Variants in PCDHGA8 observed in about 807,000 individuals in gnomAD.
PCDHGA8 encodes protocadherin gamma-A8.
Under a neutral mutation model 59.2 loss-of-function variants are expected in PCDHGA8, and 45 were observed. The observed-to-expected ratio is 0.76, with a 90% CI of 0.60 to 0.98. The LOEUF (loss-of-function observed/expected upper bound fraction) is 0.98. Ranked by LOEUF, PCDHGA8 falls within the 50% of genes least tolerant of loss-of-function variation. The pLI is 0.00. For missense variants in PCDHGA8, 1,257 were observed against 1,196.2 expected (o/e 1.05, Z -0.75); for synonymous variants, 531 against 519.0 (o/e 1.02, Z -0.32).
chr5:141,478,819 C>T, intron 1 of PCDHGA8: 8 of 1,447,842 alleles, frequency 5.5e-6, no homozygotes, highest in South Asian at 3.0e-5. Flanking sequence ...CACAACTAAC[C>T]AATCTTGCTA....
intron 1 of PCDHGA8, among the ~76,000 whole-genome samples, chr5:141,444,242 G>A (rs964582042): frequency 7.5e-6 from 1 of 133,896 alleles, no homozygotes; most frequent in Non-Finnish European, 1.5e-5. Flanking sequence ...CATGCTCTCG[G>A]CTCACTGCAA....
Position 141,432,057 on chromosome 5 carries a change from C to G in PCDHGA8, c.2424+36820C>G. On this transcript the variant is annotated intron_variant, in intron 1 of 3. Coordinates refer to ENST00000398604, the MANE Select transcript of PCDHGA8 (RefSeq NM_032088.2). This position sits in a 1 kb window ranked among gnomAD's most constrained non-coding sequence, Gnocchi z 6.0. The stretch of plus-strand genomic sequence containing the variant: ...ACTGACCGGGGAACCCCGCCCCTAT[C>G]CACGGAAACTCATATCTCGCTGAAC... 1 of 1,614,220 alleles carries G rather than the reference C, an allele frequency of 6.2e-7. No homozygotes were observed. The highest frequency in any genetic ancestry group is 8.5e-7 in the Non-Finnish European group (1 of 1,180,042).
At chr5:141,408,051 C>A in intron 1 of PCDHGA8, 3 of 1,264,368 alleles carry the variant, frequency 2.4e-6, no homozygotes, top group Non-Finnish European at 3.2e-6. Context: ...CCACACAGAG[C>A]CTCCCGGCTG....
rs1266380650 is a variant in PCDHGA8, at chr5:141,393,805, C to T, written c.992C>T (p.Thr331Ile). 3 of 1,613,914 alleles carry T rather than the reference C, an allele frequency of 1.9e-6. No homozygotes were observed. Among genetic ancestry groups the T allele is most frequent in the South Asian group, 1.1e-5 (1 of 91,082 alleles). The stretch of plus-strand genomic sequence containing the variant: ...GATGTGGGGGCACTTCTGGGGAGGA[C>T]CAAATTGCTCATTTCGGTGGAAGAT... ...AEDVGALLGR[T>I]KLLISVEDVN... Residue 331 changes from threonine to isoleucine, a missense_variant, in exon 1 of 4, where the codon ACC (threonine) becomes ATC (isoleucine). Transcript: ENST00000398604.
rs768847018 is a variant in PCDHGA8 at position 141,431,426 on chromosome 5, A to C, written c.2424+36189A>C. On this transcript the variant is annotated intron_variant, in intron 1 of 3. Transcript: ENST00000398604. The surrounding 1 kb of genome is among the most constrained non-coding windows in gnomAD (Gnocchi z 4.8). ...CTCCGACGGGGGCGACCCGGTGCGCACAGGCACCGCGCGCATCCGCGTGAT... is the reference window on the plus strand; with the variant it reads ...CTCCGACGGGGGCGACCCGGTGCGCCCAGGCACCGCGCGCATCCGCGTGAT... 6.2e-7 allele frequency: 1 copy of C among 1,613,666 alleles called. No individual in the cohort carries two copies. The highest frequency in any genetic ancestry group is 1.1e-5 in the South Asian group (1 of 91,078).
At chr5:141,496,617 A>G (rs2099769939) in intron 2 of PCDHGA8, among the ~76,000 whole-genome samples, 2 of 152,236 alleles carry the variant, frequency 1.3e-5, no homozygotes, top group Admixed American at 1.3e-4. Flanking sequence ...AAAAAGCAGC[A>G]GATCAAAAGG....
Position 141,476,477 on chromosome 5 carries a change from G to C in PCDHGA8, c.2425-18330G>C. ...GGAGAACCCGCTGGAGCTGTTCAGCGTGGAAGTGGTGATCCAGGACATCAA... is the reference window on the plus strand; with the variant it reads ...GGAGAACCCGCTGGAGCTGTTCAGCCTGGAAGTGGTGATCCAGGACATCAA... On this transcript the variant is annotated intron_variant, in intron 1 of 3. Coordinates refer to ENST00000398604, the MANE Select transcript of PCDHGA8 (RefSeq NM_032088.2). The surrounding 1 kb of genome is among the most constrained non-coding windows in gnomAD (Gnocchi z 7.6). The C allele has an allele frequency of 5.0e-6, 8 of 1,614,078 alleles. No homozygotes were observed. Among genetic ancestry groups the C allele is most frequent in the Non-Finnish European group, 6.8e-6 (8 of 1,180,018 alleles).
intron 1 of PCDHGA8, chr5:141,427,312 C>T (rs1438759401): frequency 4.4e-6 from 2 of 456,954 alleles, no homozygotes; most frequent in East Asian, 6.9e-5. Context: ...GACAATGCCC[C>T]AGACGTGGTT....
chr5:141,420,188 A>G (rs775537913), intron 1 of PCDHGA8: 1 of 1,613,848 alleles, frequency 6.2e-7, no homozygotes, highest in South Asian at 1.1e-5. Context: ...TTGTCCAGCC[A>G]CACAAGATAA....
chr5:141,426,614 G>T (rs1468159807), intron 1 of PCDHGA8: 25 of 385,508 alleles, frequency 6.5e-5, no homozygotes, highest in Non-Finnish European at 1.3e-4. Context: ...TTGTAGCAGA[G>T]AATCCTCTAA....
At chr5:141,403,276 C>A in intron 1 of PCDHGA8, 2 of 1,613,844 alleles carry the variant, frequency 1.2e-6, no homozygotes, top group South Asian at 2.2e-5. Flanking sequence ...ACTTTAAAGT[C>A]CTGGTTGAAG....
intron 1 of PCDHGA8, chr5:141,413,903 C>T (rs1038159413): frequency 2.5e-6 from 4 of 1,613,308 alleles, no homozygotes; most frequent in Non-Finnish European, 3.4e-6. Flanking sequence ...AATGACAACG[C>T]GCCGGTCTTC....
At chr5:141,460,951 G>GTATATATATA (rs200454978) in intron 1 of PCDHGA8, among the ~76,000 whole-genome samples, 1 of 139,722 alleles carries the variant, frequency 7.2e-6, no homozygotes, top group African/African-American at 2.8e-5. Context: ...TATGTATTAT[G>GTATATATATA]TATATATATA....
At chr5:141,415,469 C>G (rs1247738517) in intron 1 of PCDHGA8, 1 of 1,614,090 alleles carries the variant, frequency 6.2e-7, no homozygotes, top group Non-Finnish European at 8.5e-7. Context: ...TCTCTCACCG[C>G]GGACTCGCGA....
chr5:141,463,500 G>A (rs866521006), intron 1 of PCDHGA8, among the ~76,000 whole-genome samples: 30 of 139,838 alleles, frequency 2.1e-4, no homozygotes, highest in African/African-American at 7.0e-4. Context: ...CCAGGCTGGA[G>A]TGACGTGGCG....
In PCDHGA8 at chr5:141,395,107, A is replaced by G. The variant is rs2093174446; in HGVS notation, c.2294A>G (p.Lys765Arg). 1 of 1,614,212 alleles carries G rather than the reference A, an allele frequency of 6.2e-7. No homozygotes were observed. Among genetic ancestry groups the G allele is most frequent in the African/African-American group, 1.3e-5 (1 of 75,058 alleles). ...GTCTCCCTCACCGCCGACTCGCGGAAGAGTCACCTGATCTTTCCCCAGCCC... is the reference window on the plus strand; with the variant it reads ...GTCTCCCTCACCGCCGACTCGCGGAGGAGTCACCTGATCTTTCCCCAGCCC... Reference protein sequence around the residue: ...QEVSLTADSRKSHLIFPQPNY... With the variant: ...QEVSLTADSRRSHLIFPQPNY... Residue 765 changes from lysine (K) to arginine (R), a missense_variant, in exon 1 of 4, where the codon AAG (lysine) becomes AGG (arginine). Physicochemically the swap from Lys to Arg is conservative, Grantham distance 26. Transcript: ENST00000398604.
Position 141,393,360 on chromosome 5 carries a change from C to T in PCDHGA8, c.547C>T (p.Gln183Ter). 1 of 1,613,968 alleles carries T rather than the reference C, an allele frequency of 6.2e-7. No individual in the cohort carries two copies. Among genetic ancestry groups the T allele is most frequent in the Non-Finnish European group, 8.5e-7 (1 of 1,179,872 alleles). The part of the protein sequence containing the change: ...SPNHHFSLDV[Q>*]TGDNGAINPE... ...CAATCACCACTTCTCCCTGGACGTG[C>T]AGACTGGAGACAATGGAGCCATAAA... Residue 183 changes from glutamine to a stop codon, truncating the protein, a stop_gained, in exon 1 of 4, where the codon CAG (glutamine) becomes TAG (stop). Coordinates refer to ENST00000398604, the MANE Select transcript of PCDHGA8 (RefSeq NM_032088.2). LOFTEE classifies it high-confidence loss of function.
intron 2 of PCDHGA8, among the ~76,000 whole-genome samples, chr5:141,500,469 A>G (rs917974103): frequency 1.3e-5 from 2 of 152,052 alleles, no homozygotes; most frequent in East Asian, 1.9e-4. Context: ...TCGGCCTCCC[A>G]AAGTGCTGGG....
chr5:141,436,120 TC>T (rs2154556955), intron 1 of PCDHGA8, among the ~76,000 whole-genome samples: 1 of 152,344 alleles, frequency 6.6e-6, no homozygotes, highest in South Asian at 2.1e-4. Context: ...GAAACCTCTC[TC>T]CTCCATCATC....
Sources: allele counts gnomAD v4.1 joint callset (sites outside exome capture counted in the v4.1 genomes callset), GRCh38; gene constraint gnomAD v4.1.1; non-coding constraint Gnocchi (gnomAD v3.1); transcripts MANE v1.5; gene names NCBI Gene and HGNC (gene_info 2026-07-23, HGNC 2026-07-21).